The following MAP4 variants were observed in gnomAD, a reference collection of about 807,000 sequenced individuals.
MAP4 encodes the protein microtubule-associated protein 4.
MAP4 carries 76 observed loss-of-function variants against 170.2 expected under a neutral mutation model. The ratio of observed to expected loss-of-function variants is 0.45; its 90% confidence interval spans 0.37 to 0.54. MAP4 has a LOEUF of 0.54. Ranked by LOEUF, MAP4 falls within the 20% of genes least tolerant of loss-of-function variation. The pLI is 0.00. For missense variants in MAP4, 2,506 were observed against 2,748.0 expected, an observed-to-expected ratio of 0.91 and a Z score of 1.97; for synonymous variants, 909 against 994.5, an observed-to-expected ratio of 0.91 and a Z score of 1.62.
chr3:48,047,231 TAG>T (rs2100125108), intron 1 of MAP4, among the ~76,000 whole-genome samples: 1 of 152,156 alleles, frequency 6.6e-6, no homozygotes. Flanking sequence ...TCATCGTCTG[TAG>T]AGTGCTTAGT....
At chr3:47,963,901 C>G (rs370897821) in intron 3 of MAP4, among the ~76,000 whole-genome samples, 2 of 152,082 alleles carry the variant, frequency 1.3e-5, no homozygotes, top group African/African-American at 2.4e-5. Context: ...AAAAGATAGT[C>G]GAGAAGTACT....
At chr3:47,957,328 C>A (rs768106918) in intron 3 of MAP4, among the ~76,000 whole-genome samples, 1 of 151,476 alleles carries the variant, frequency 6.6e-6, no homozygotes, top group Non-Finnish European at 1.5e-5. Flanking sequence ...CCACCATGCC[C>A]GGCTAATTTT....
chr3:48,061,134 C>G (rs142474344), intron 1 of MAP4, among the ~76,000 whole-genome samples: 1 of 151,942 alleles, frequency 6.6e-6, no homozygotes, highest in African/African-American at 2.4e-5. Context: ...CGTGAGCCAC[C>G]GCGCCTGGAC....
At chr3:47,915,061 G>A in intron 7 of MAP4, 122 bp from the exon 8 acceptor site, 1 of 1,156,498 alleles carries the variant, frequency 8.6e-7, no homozygotes, top group Admixed American at 2.0e-5. Context: ...GGCAGCAAAG[G>A]AGTGAAGTGG....
intron 1 of MAP4, among the ~76,000 whole-genome samples, chr3:48,038,355 C>CA (rs940368773): frequency 6.1e-5 from 9 of 147,170 alleles, no homozygotes; most frequent in Admixed American, 2.0e-4. Context: ...CCATCCATGG[C>CA]AAAAAAAAAT....
intron 3 of MAP4, among the ~76,000 whole-genome samples, chr3:47,929,809 A>C (rs188538125): frequency 3.4e-4 from 52 of 151,746 alleles, no homozygotes; most frequent in African/African-American, 1.2e-3. Flanking sequence ...GACACCATGA[A>C]AATTTAAAAC....
At chr3:47,962,444 A>G (rs918681777) in intron 3 of MAP4, among the ~76,000 whole-genome samples, 9 of 151,776 alleles carry the variant, frequency 5.9e-5, no homozygotes, top group African/African-American at 1.9e-4. Context: ...CTTTGGGGGC[A>G]GGGTGGGGGA....
intron 1 of MAP4, 37 bp downstream of exon 1, chr3:48,016,297 T>C (rs539234931): frequency 1.4e-5 from 2 of 142,854 alleles, no homozygotes; most frequent in African/African-American, 2.6e-5. Context: ...CATAAAACCT[T>C]GCATCACAAA....
At chr3:47,972,624 C>T (rs1267679873) in intron 3 of MAP4, among the ~76,000 whole-genome samples, 1 of 152,176 alleles carries the variant, frequency 6.6e-6, no homozygotes, top group Non-Finnish European at 1.5e-5. Flanking sequence ...CGGTGGCTCA[C>T]GCCTGTAATC....
intron 10 of MAP4, among the ~76,000 whole-genome samples, chr3:47,880,465 G>GTTT (rs3079393): frequency 0.015 from 1,642 of 106,022 alleles, 68 homozygotes; most frequent in African/African-American, 0.047. Flanking sequence ...TCCAATTTCA[G>GTTT]TTTTTTTTTT....
chr3:47,957,908 T>C (rs138429655), intron 3 of MAP4, among the ~76,000 whole-genome samples: 53 of 152,320 alleles, frequency 3.5e-4, no homozygotes, highest in African/African-American at 1.2e-3. Flanking sequence ...CCACTCACTA[T>C]TATATCTAGC....
At chr3:48,084,792 GGACC>G (rs2100148273) in intron 1 of MAP4, among the ~76,000 whole-genome samples, 3 of 128,068 alleles carry the variant, frequency 2.3e-5, no homozygotes, top group East Asian at 2.2e-4. Context: ...AATTATCTGG[GGACC>G]GACTAAGTTG....
At chr3:47,854,622 T>G (rs2051242392) in intron 19 of MAP4, among the ~76,000 whole-genome samples, 1 of 152,058 alleles carries the variant, frequency 6.6e-6, no homozygotes, top group Admixed American at 6.5e-5. Context: ...CTCACAGTAC[T>G]GTGGAAGGAG....
chr3:47,993,618 G>T (rs1333872809), intron 2 of MAP4, among the ~76,000 whole-genome samples: 1 of 152,222 alleles, frequency 6.6e-6, no homozygotes, highest in Non-Finnish European at 1.5e-5. Flanking sequence ...AAACAAGTGG[G>T]ATCAAGATCC....
At chr3:48,088,170 C>T (rs1249319304) in intron 1 of MAP4, among the ~76,000 whole-genome samples, 4 of 151,918 alleles carry the variant, frequency 2.6e-5, no homozygotes, top group Non-Finnish European at 5.9e-5. Context: ...TCCCTGTACC[C>T]TCCCCACCCC....
rs200417041 is a variant in MAP4 at position 47,855,673 on chromosome 3, C to T, written c.6584-313G>A. ...GGGGCTCCGAGCACAGCCTCCAGGGCGAAGCCTCTGCTTCTCTACTCTGTG... is the reference window on the plus strand; with the variant it reads ...GGGGCTCCGAGCACAGCCTCCAGGGTGAAGCCTCTGCTTCTCTACTCTGTG... On this transcript the variant is annotated intron_variant, in intron 18 of 20. Transcript: ENST00000683076. This position sits in a 1 kb window ranked among gnomAD's most constrained non-coding sequence, Gnocchi z 5.1. Among the ~76,000 whole-genome samples, 3 of 152,152 alleles carry T rather than the reference C, an allele frequency of 2.0e-5. No individual in the cohort carries two copies. The highest frequency in any genetic ancestry group is 2.1e-4 in the South Asian group (1 of 4,832).
intron 5 of MAP4, 78 bp downstream of exon 5, chr3:47,921,687 T>C: frequency 1.3e-6 from 1 of 767,652 alleles, no homozygotes; most frequent in East Asian, 2.5e-5. Context: ...CACAGAGCCC[T>C]AGTCAGTGAA....
At chr3:48,082,121 T>A (rs1328916549) in intron 1 of MAP4, among the ~76,000 whole-genome samples, 1 of 152,086 alleles carries the variant, frequency 6.6e-6, no homozygotes, top group Non-Finnish European at 1.5e-5. Context: ...AATAAATAAA[T>A]GGGGGAGGCA....
At chr3:47,889,580 C>T (rs1205876945) in intron 10 of MAP4, among the ~76,000 whole-genome samples, 1 of 152,190 alleles carries the variant, frequency 6.6e-6, no homozygotes, top group African/African-American at 2.4e-5. Context: ...AAACATTTAT[C>T]GGGTGAATGG....
Sources: allele counts gnomAD v4.1 joint callset (sites outside exome capture counted in the v4.1 genomes callset), GRCh38; gene constraint gnomAD v4.1.1; non-coding constraint Gnocchi (gnomAD v3.1); transcripts MANE v1.5; gene names NCBI Gene and HGNC (gene_info 2026-07-23, HGNC 2026-07-21).